The following STK32B variants were observed in gnomAD, a reference collection of about 807,000 sequenced individuals.
The protein encoded by STK32B is serine/threonine-protein kinase 32B.
A neutral mutation model predicts 52.6 loss-of-function variants in STK32B; 43 were observed. The observed-to-expected ratio is 0.82, with a 90% confidence interval of 0.64 to 1.05. The LOEUF (loss-of-function observed/expected upper bound fraction) is 1.05, where lower values mean the gene tolerates loss of function less well. Among genes scored for constraint, STK32B ranks in the 50% least tolerant of loss-of-function variants. The pLI, the probability that STK32B is intolerant of heterozygous loss-of-function variation, is 0.00. For missense variants in STK32B, 621 were observed against 534.6 expected, an observed-to-expected ratio of 1.16 and a Z score of -1.59; for synonymous variants, 238 against 204.3, an observed-to-expected ratio of 1.17 and a Z score of -1.41.
intron 1 of STK32B, among the ~76,000 whole-genome samples, chr4:5,092,312 A>AG (rs1713124645): frequency 1.3e-5 from 2 of 152,160 alleles, no homozygotes; most frequent in Non-Finnish European, 1.5e-5. Flanking sequence ...CGGGCAGATC[A>AG]CCTGAGGTCA....
intron 4 of STK32B, among the ~76,000 whole-genome samples, chr4:5,367,517 G>A (rs570501358): frequency 1.2e-4 from 19 of 152,214 alleles, no homozygotes; most frequent in African/African-American, 4.1e-4. Flanking sequence ...TAGAAAGGAC[G>A]GGTATGTGAA....
chr4:5,290,597 T>A (rs2108883117), intron 3 of STK32B, among the ~76,000 whole-genome samples: 1 of 151,628 alleles, frequency 6.6e-6, no homozygotes, highest in Non-Finnish European at 1.5e-5. Flanking sequence ...TGCATTTTTT[T>A]AATTACTTAA....
chr4:5,317,254 C>CATATATATATTAT lies in STK32B; in HGVS notation c.261-13961_261-13960insTATATTATATATA, dbSNP rs1284464204. 2.9e-3 allele frequency among the ~76,000 whole-genome samples: 51 copies of CATATATATATTAT among 17,694 alleles called. 1 individual carries two copies. The highest frequency in any genetic ancestry group is 9.4e-3 in the African/African-American group (15 of 1,596). 11.6% of individuals were successfully genotyped at this position (17,694 alleles called of 152,430 possible). On this transcript the variant is annotated intron_variant, in intron 3 of 11. Coordinates refer to ENST00000282908, the MANE Select transcript of STK32B (RefSeq NM_018401.3). ...TATAACATATATATATTATATATAACATATAACATATATATAATATATAAC... is the reference window on the plus strand; with the variant it reads ...TATAACATATATATATTATATATAACATATATATATTATATATAACATATATATAATATATAAC...
intron 11 of STK32B, among the ~76,000 whole-genome samples, chr4:5,473,535 G>A (rs906014481): frequency 1.3e-5 from 2 of 152,216 alleles, no homozygotes; most frequent in African/African-American, 4.8e-5. Flanking sequence ...CAGCCAAGAG[G>A]TGGCAGAGCC....
At chr4:5,241,172 G>C (rs1287100850) in intron 3 of STK32B, among the ~76,000 whole-genome samples, 1 of 152,006 alleles carries the variant, frequency 6.6e-6, no homozygotes, top group Non-Finnish European at 1.5e-5. Flanking sequence ...ATCCCAGCTT[G>C]TTCCTGATGT....
chr4:5,111,742 C>T (rs1714419109), intron 1 of STK32B, among the ~76,000 whole-genome samples: 1 of 152,022 alleles, frequency 6.6e-6, no homozygotes, highest in African/African-American at 2.4e-5. Context: ...CACATGTACC[C>T]CTGAATCTAA....
intron 11 of STK32B, among the ~76,000 whole-genome samples, chr4:5,488,164 G>C (rs1302047170): frequency 1.3e-5 from 2 of 152,108 alleles, no homozygotes; most frequent in Non-Finnish European, 2.9e-5. Flanking sequence ...CTAGGTATGG[G>C]GCACATTCCC....
chr4:5,463,491 C>G (rs774759277), intron 9 of STK32B, among the ~76,000 whole-genome samples: 12 of 152,150 alleles, frequency 7.9e-5, no homozygotes, highest in Non-Finnish European at 1.6e-4. Context: ...GTCACACTCA[C>G]ACATAGACAC....
chr4:5,225,535 C>G (rs1419374791), intron 3 of STK32B, among the ~76,000 whole-genome samples: 1 of 152,124 alleles, frequency 6.6e-6, no homozygotes. Flanking sequence ...TTTCAGTTAC[C>G]TGCAGTCAGC....
chr4:5,309,966 G>A (rs1266626244), intron 3 of STK32B, among the ~76,000 whole-genome samples: 1 of 152,140 alleles, frequency 6.6e-6, no homozygotes, highest in Non-Finnish European at 1.5e-5. Context: ...AGGAATTTGA[G>A]ACCAGCCTGG....
intron 3 of STK32B, among the ~76,000 whole-genome samples, chr4:5,267,834 G>A (rs1401465733): frequency 6.6e-6 from 1 of 152,202 alleles, no homozygotes; most frequent in Non-Finnish European, 1.5e-5. Flanking sequence ...AAGAGAATAT[G>A]TGAATCCTTC....
chr4:5,136,527 T>G (rs1716089504), intron 1 of STK32B, among the ~76,000 whole-genome samples: 1 of 152,090 alleles, frequency 6.6e-6, no homozygotes, highest in Non-Finnish European at 1.5e-5. Context: ...GCCAAACTGG[T>G]TTTCCCCAGA....
At chr4:5,370,996 G>GTGTGTGTGTGTATATA (rs570241863) in intron 4 of STK32B, among the ~76,000 whole-genome samples, 21 of 141,064 alleles carry the variant, frequency 1.5e-4, no homozygotes, top group African/African-American at 5.6e-4. Context: ...GTGTGTGTGT[G>GTGTGTGTGTGTATATA]TATATATATA....
chr4:5,486,855 T>G (rs1719262023), intron 11 of STK32B, among the ~76,000 whole-genome samples: 1 of 152,212 alleles, frequency 6.6e-6, no homozygotes, highest in African/African-American at 2.4e-5. Flanking sequence ...GTTAGAGGTT[T>G]CATAAGAAGG....
intron 4 of STK32B, among the ~76,000 whole-genome samples, chr4:5,369,901 C>T (rs573383455): frequency 1.3e-5 from 2 of 151,304 alleles, no homozygotes; most frequent in African/African-American, 4.9e-5. Context: ...TTTGAGACGG[C>T]GTCTTGCTCT....
chr4:5,314,407 C>A (rs1340454421), intron 3 of STK32B, among the ~76,000 whole-genome samples: 1 of 152,210 alleles, frequency 6.6e-6, no homozygotes, highest in South Asian at 2.1e-4. Context: ...CTGTGGCTCA[C>A]GCCTGTAATC....
At chr4:5,050,637 G>C (rs1741729683), upstream of STK32B, among the ~76,000 whole-genome samples, 1 of 152,192 alleles carries the variant, frequency 6.6e-6, no homozygotes, top group African/African-American at 2.4e-5. Context: ...TGTAGCCAAA[G>C]ATTCCCTGCA....
chr4:5,365,127 C>T (rs1316720222), intron 4 of STK32B, among the ~76,000 whole-genome samples: 9 of 152,098 alleles, frequency 5.9e-5, no homozygotes, highest in Non-Finnish European at 4.4e-5. Context: ...CCACCCACCT[C>T]GGCCCCCCCA....
chr4:5,463,086 C>A (rs1717161536), intron 9 of STK32B, among the ~76,000 whole-genome samples: 1 of 152,242 alleles, frequency 6.6e-6, no homozygotes, highest in Non-Finnish European at 1.5e-5. Flanking sequence ...GGAGTAGAGC[C>A]CGGAGGCTTC....
Sources: allele counts gnomAD v4.1 joint callset (sites outside exome capture counted in the v4.1 genomes callset), GRCh38; gene constraint gnomAD v4.1.1; transcripts MANE v1.5; gene names NCBI Gene and HGNC (gene_info 2026-07-23, HGNC 2026-07-21).